The following XKRX variants were observed in gnomAD, a reference collection of about 807,000 sequenced individuals.
XKRX encodes the protein XK related X-linked.
XKRX carries 11 observed loss-of-function variants against 22.4 expected under a neutral mutation model. The ratio of observed to expected loss-of-function variants is 0.49; its 90% CI spans 0.31 to 0.81. The LOEUF is 0.81. Ranked by LOEUF, XKRX falls within the 40% of genes least tolerant of loss-of-function variation. XKRX has a pLI of 0.05. For synonymous variants in XKRX, 114 were observed against 132.2 expected (o/e 0.86, Z 0.94); for missense variants, 320 against 336.5 (o/e 0.95, Z 0.38).
At chrX:100,913,383 T>TACACACACACACACAC (rs56001687), downstream of XKRX, 3 of 92,354 alleles carry the variant, frequency 3.2e-5, no homozygotes, top group African/African-American at 8.0e-5. Context: ...CACATACACA[T>TACACACACACACACAC]ACACACACAC....
At chrX:100,901,372 G>GA in the XKRX span, among the ~76,000 whole-genome samples, 7 of 111,028 alleles carry the variant, frequency 6.3e-5, no homozygotes, top group African/African-American at 2.0e-4. Context: ...ATTAATTTCA[G>GA]AAAAAAAGTC....
the XKRX span, among the ~76,000 whole-genome samples, chrX:100,959,048 C>A: frequency 9.0e-6 from 1 of 111,535 alleles, no homozygotes; most frequent in Admixed American, 9.6e-5. Context: ...ATATTCTCTG[C>A]AAAATCAGGC....
At chrX:100,913,022 A>AC (rs938118291), downstream of XKRX, among the ~76,000 whole-genome samples, 1 of 109,315 alleles carries the variant, frequency 9.1e-6, no homozygotes, top group African/African-American at 3.3e-5. Context: ...ACATGGTGAA[A>AC]CCCCATCTCT....
At chrX:100,934,384 T>C (rs770583610), upstream of XKRX, among the ~76,000 whole-genome samples, 35 of 111,654 alleles carry the variant, frequency 3.1e-4, no homozygotes, top group Non-Finnish European at 6.2e-4. Context: ...AGAGATGGTG[T>C]TGCAGTCTTG....
the XKRX span, chrX:100,957,153 G>A: frequency 1.3e-4 from 140 of 1,110,053 alleles, no homozygotes; most frequent in Non-Finnish European, 1.6e-4. Flanking sequence ...ATCACCTGTG[G>A]AGCAGCAGCT....
chrX:100,921,990 C>T (rs1019635703), intron 2 of XKRX, among the ~76,000 whole-genome samples: 1 of 108,583 alleles, frequency 9.2e-6, no homozygotes, highest in African/African-American at 3.4e-5. Flanking sequence ...CCTGCCACCA[C>T]GCCCGGCTAA....
At chrX:100,895,958 T>G in the XKRX span, among the ~76,000 whole-genome samples, 1 of 111,896 alleles carries the variant, frequency 8.9e-6, no homozygotes, top group East Asian at 2.8e-4. Flanking sequence ...AAAGGGTTGC[T>G]CATTCCTGCT....
Position 100,915,048 on chromosome X carries a change from A to C in XKRX, c.640T>G (p.Tyr214Asp). 1 of 1,210,223 alleles carries C rather than the reference A, an allele frequency of 8.3e-7. No individual in the cohort carries two copies. Among genetic ancestry groups the C allele is most frequent in the Non-Finnish European group, 1.1e-6 (1 of 894,678 alleles). ...LMVFSLVSVT[Y>D]GATLCNMLAI... is the part of the protein sequence containing the mutation. ...AACATATTGCAAAGGGTGGCCCCAT[A>C]GGTGACAGATACCAGGGAAAATACC... The change falls in exon 3 of 3, where the codon TAT becomes GAT. Residue 214 changes from tyrosine (Y) to aspartate (D), a missense_variant. Physicochemically the swap from Tyr to Asp is radical, Grantham distance 160. Coordinates refer to ENST00000372956, the MANE Select transcript of XKRX (RefSeq NM_212559.3).
chrX:100,900,833 A>T, the XKRX span, among the ~76,000 whole-genome samples: 1 of 92,079 alleles, frequency 1.1e-5, no homozygotes, highest in Non-Finnish European at 2.1e-5. Flanking sequence ...TCTGTCGCCT[A>T]GGCTGGAGTG....
rs184578414 is a variant in XKRX at position 100,924,101 on chromosome X, C to T, written c.336-1040G>A. Among the ~76,000 whole-genome samples the T allele has an allele frequency of 8.1e-3, 860 of 106,822 alleles. 9 individuals carry two copies. The highest frequency in any genetic ancestry group is 0.028 in the African/African-American group (804 of 29,211). The allele number at this position is 106,822 out of a possible 115,157, so 92.8% of individuals were successfully genotyped here. ...TCCTGACCTCAGGTGATCCACCCAC[C>T]TCAGCTTCCCAAAGTGCTGAGATTA... On this transcript the variant is annotated intron_variant, in intron 1 of 2. Coordinates refer to ENST00000372956, the MANE Select transcript of XKRX (RefSeq NM_212559.3).
In XKRX at chrX:100,922,830, A is replaced by G. The variant is rs745493688; in HGVS notation, c.567T>C (p.Tyr189=). ...GAACCTCTGCAGAGATCAGGCTCAC[A>G]TAGAGCTGATAGGTCAGCTGGGGCA... ...GSVPQLTYQL[Y]VSLISAEVPL... The change falls in exon 2 of 3, where the codon TAT becomes TAC. Residue 189 remains tyrosine, a synonymous_variant. Transcript: ENST00000372956. 6 of 1,211,215 alleles carry G rather than the reference A, an allele frequency of 5.0e-6. No individual in the cohort carries two copies. The highest frequency in any genetic ancestry group is 5.6e-6 in the Non-Finnish European group (5 of 895,387).
chrX:100,928,291 T>C lies in XKRX; in HGVS notation c.14A>G (p.Tyr5Cys). 8.3e-7 allele frequency: 1 copy of C among 1,210,627 alleles called. No homozygotes were observed. Among genetic ancestry groups the C allele is most frequent in the Non-Finnish European group, 1.1e-6 (1 of 895,151 alleles). ...CACATTTGGCTCCTCAGGAATTTCA[T>C]AAACTCTGTCCATTGTCGAGGTTCT... MDRV[Y>C]EIPEEPNVDP... Residue 5 changes from tyrosine to cysteine, a missense_variant, in exon 1 of 3, where the codon TAT becomes TGT. Coordinates refer to ENST00000372956, the MANE Select transcript of XKRX (RefSeq NM_212559.3).
chrX:100,916,483 T>C (rs1007404038), intron 2 of XKRX, among the ~76,000 whole-genome samples: 1 of 112,243 alleles, frequency 8.9e-6, no homozygotes, highest in Non-Finnish European at 1.9e-5. Flanking sequence ...TCAGGCAGAC[T>C]TTGCTGATGA....
the XKRX span, among the ~76,000 whole-genome samples, chrX:100,945,247 TACACACACACACAC>T: frequency 3.3e-4 from 18 of 55,381 alleles, no homozygotes; most frequent in Admixed American, 1.7e-3. Flanking sequence ...ACCTGGGTGA[TACACACACACACAC>T]ACACACACAC....
chrX:100,929,274 C>G (rs918498016), upstream of XKRX: 2 of 111,466 alleles, frequency 1.8e-5, no homozygotes, highest in African/African-American at 6.5e-5. Context: ...GCGAGATGGG[C>G]GGGACGGCTG....
the XKRX span, among the ~76,000 whole-genome samples, chrX:100,902,789 C>G: frequency 9.2e-6 from 1 of 109,268 alleles, no homozygotes; most frequent in Non-Finnish European, 1.9e-5. Context: ...CTCGCTCTGT[C>G]ACCCAGGCTG....
chrX:100,906,932 C>A, the XKRX span, among the ~76,000 whole-genome samples: 2 of 111,817 alleles, frequency 1.8e-5, no homozygotes, highest in Non-Finnish European at 3.8e-5. Flanking sequence ...CACCTTTTCT[C>A]TTATAAGGAT....
chrX:100,916,499 G>T (rs1450643068), intron 2 of XKRX, among the ~76,000 whole-genome samples: 1 of 112,233 alleles, frequency 8.9e-6, no homozygotes, highest in African/African-American at 3.2e-5. Flanking sequence ...GATGAAGCAG[G>T]CTTCGGAGCA....
downstream of XKRX, chrX:100,910,580 C>A: frequency 5.0e-6 from 1 of 199,892 alleles, no homozygotes; most frequent in Non-Finnish European, 8.5e-6. Flanking sequence ...AGCAAAATTC[C>A]GTCTTAAAAA....
Sources: allele counts gnomAD v4.1 joint callset (sites outside exome capture counted in the v4.1 genomes callset), GRCh38; gene constraint gnomAD v4.1.1; transcripts MANE v1.5; gene names NCBI Gene and HGNC (gene_info 2026-07-23, HGNC 2026-07-21).